ANTXR1: variants seen among roughly 807,000 people sequenced by gnomAD.
ANTXR1 encodes the protein ANTXR cell adhesion molecule 1.
A neutral mutation model predicts 78.1 loss-of-function variants in ANTXR1; 19 were observed. That is an observed-to-expected ratio of 0.24 (90% CI 0.17 to 0.36). ANTXR1 has a LOEUF of 0.36. ANTXR1 is among the 10% of genes least tolerant of loss of function. ANTXR1 has a pLI of 1.00. For synonymous variants in ANTXR1, 273 were observed against 260.5 expected (o/e 1.05, Z -0.46); for missense variants, 518 against 718.6 (o/e 0.72, Z 3.19).
In ANTXR1 at chr2:69,013,670, C is replaced by A. The variant is rs954257178; in HGVS notation, c.152+19C>A. 1.9e-6 allele frequency: 3 copies of A among 1,547,288 alleles called. No homozygotes were observed. The highest frequency in any genetic ancestry group is 4.9e-5 in the East Asian group (2 of 40,894). On this transcript the variant is annotated intron_variant, in intron 1 of 17. Transcript: ENST00000303714. This position sits in a 1 kb window ranked among gnomAD's most constrained non-coding sequence, Gnocchi z 5.0. ...TGGACAAGTAAGTGCCGCGAGTTGT[C>A]CCCCCCACCCCAGGCTAAGCGGGCG...
At chr2:69,040,175 A>G (rs1311852167) in intron 2 of ANTXR1, 60 bp downstream of exon 2, 3 of 1,446,442 alleles carry the variant, frequency 2.1e-6, no homozygotes, top group Non-Finnish European at 2.9e-6. Flanking sequence ...AAACTAGTCC[A>G]TGTTTGCTAT....
In ANTXR1 at chr2:69,013,633, T is replaced by C; in HGVS notation, c.134T>C (p.Leu45Pro). The stretch of plus-strand genomic sequence containing the variant: ...CCAGCCTGCTACGGCGGATTTGACC[T>C]GTACTTCATTTTGGACAAGTAAGTG... ...GGPACYGGFD[L>P]YFILDKSGSV... The change falls in exon 1 of 18, where the codon CTG becomes CCG. Residue 45 changes from leucine (L) to proline (P), a missense_variant. Leu to Pro is a moderately conservative substitution (Grantham distance 98, BLOSUM62 -3). Around this residue, in one of 5 missense-constraint regions of ANTXR1, gnomAD observed 6 missense variants for 27.0 expected, o/e 0.22. Coordinates refer to ENST00000303714, the MANE Select transcript of ANTXR1 (RefSeq NM_032208.3). This position sits in a 1 kb window ranked among gnomAD's most constrained non-coding sequence, Gnocchi z 5.0. 6.4e-7 allele frequency: 1 copy of C among 1,553,654 alleles called. No individual in the cohort carries two copies. Among genetic ancestry groups the C allele is most frequent in the Non-Finnish European group, 8.7e-7 (1 of 1,147,718 alleles).
At chr2:69,048,919 C>T (rs1669852157) in intron 3 of ANTXR1, among the ~76,000 whole-genome samples, 1 of 152,192 alleles carries the variant, frequency 6.6e-6, no homozygotes, top group African/African-American at 2.4e-5. Flanking sequence ...GCTGCATTTT[C>T]TCTATACTTA....
intron 17 of ANTXR1, among the ~76,000 whole-genome samples, chr2:69,223,555 T>C (rs1296539666): frequency 6.6e-6 from 1 of 152,190 alleles, no homozygotes; most frequent in Non-Finnish European, 1.5e-5. Flanking sequence ...TCCAGTAAGT[T>C]TGATCCAAAC....
intron 12 of ANTXR1, among the ~76,000 whole-genome samples, chr2:69,151,213 A>T (rs1673385164): frequency 1.1e-5 from 1 of 95,098 alleles, no homozygotes; most frequent in African/African-American, 4.2e-5. Flanking sequence ...TTTTTTTGAG[A>T]CGGAGTCTCG....
At chr2:69,023,125 T>C (rs1026278788) in intron 1 of ANTXR1, among the ~76,000 whole-genome samples, 5 of 152,234 alleles carry the variant, frequency 3.3e-5, no homozygotes, top group South Asian at 2.1e-4. Context: ...ATTGTGACCT[T>C]GGGCAAATTA....
In ANTXR1 at chr2:69,112,826, G is replaced by A. The variant is rs544775055; in HGVS notation, c.802+9886G>A. On this transcript the variant is annotated intron_variant, in intron 10 of 17. Transcript: ENST00000303714. ...ACTGATTTTTGAAGTGGCTCCTGCAGAGACTGTGTTAGTGGATGTTCCCAT... is the reference window on the plus strand; with the variant it reads ...ACTGATTTTTGAAGTGGCTCCTGCAAAGACTGTGTTAGTGGATGTTCCCAT... Among the ~76,000 whole-genome samples, 4 of 152,326 alleles carry A rather than the reference G, an allele frequency of 2.6e-5. No homozygotes were observed. The South Asian group carries it at 8.3e-4, about 32-fold the overall frequency.
At chr2:69,071,641 G>C (rs1055313897) in intron 4 of ANTXR1, 113 bp from the exon 5 acceptor site, 13 of 1,027,394 alleles carry the variant, frequency 1.3e-5, no homozygotes, top group Non-Finnish European at 1.8e-5. Flanking sequence ...AATTACATAA[G>C]GAATCAAGAC....
chr2:69,205,544 T>C (rs932497681), intron 17 of ANTXR1, among the ~76,000 whole-genome samples: 2 of 152,040 alleles, frequency 1.3e-5, no homozygotes, highest in Non-Finnish European at 2.9e-5. Flanking sequence ...ATACTGACTT[T>C]TCACTCCCTG....
At chr2:69,117,772 C>A (rs938345643) in intron 10 of ANTXR1, among the ~76,000 whole-genome samples, 1 of 152,148 alleles carries the variant, frequency 6.6e-6, no homozygotes, top group African/African-American at 2.4e-5. Context: ...ACTCCCCACA[C>A]AATGTCATCA....
chr2:69,243,170 C>A (rs1235586071), intron 17 of ANTXR1, among the ~76,000 whole-genome samples: 2 of 152,208 alleles, frequency 1.3e-5, no homozygotes, highest in African/African-American at 4.8e-5. Flanking sequence ...AATGCTATGT[C>A]CTAGGAATTA....
intron 14 of ANTXR1, among the ~76,000 whole-genome samples, chr2:69,181,527 G>C (rs1205520994): frequency 1.3e-5 from 2 of 152,174 alleles, no homozygotes; most frequent in East Asian, 1.9e-4. Flanking sequence ...CAAAGGAGTA[G>C]AGCTGTAGAA....
chr2:69,073,531 G>C (rs1402225861), intron 6 of ANTXR1, among the ~76,000 whole-genome samples: 1 of 152,192 alleles, frequency 6.6e-6, no homozygotes, highest in African/African-American at 2.4e-5. Context: ...CAATCACTGA[G>C]ATTTTCACTC....
chr2:69,128,193 C>G (rs1457190336), intron 12 of ANTXR1, among the ~76,000 whole-genome samples: 1 of 150,864 alleles, frequency 6.6e-6, no homozygotes, highest in Non-Finnish European at 1.5e-5. Flanking sequence ...CCACTGCACT[C>G]CAACCTGAGT....
chr2:69,121,979 G>A (rs968891976), intron 10 of ANTXR1, among the ~76,000 whole-genome samples: 4 of 152,132 alleles, frequency 2.6e-5, no homozygotes, highest in African/African-American at 4.8e-5. Context: ...AAGAGTCCCC[G>A]ACTCTGATTC....
intron 1 of ANTXR1, among the ~76,000 whole-genome samples, chr2:69,017,982 A>G (rs1424903211): frequency 6.6e-6 from 1 of 152,142 alleles, no homozygotes; most frequent in Non-Finnish European, 1.5e-5. Context: ...AGTCACTTGA[A>G]TGGAGATAGT....
At chr2:69,234,364 G>A (rs1382014164) in intron 17 of ANTXR1, among the ~76,000 whole-genome samples, 1 of 152,176 alleles carries the variant, frequency 6.6e-6, no homozygotes, top group African/African-American at 2.4e-5. Context: ...AGCACAATTG[G>A]CTGATTTAGA....
intron 3 of ANTXR1, among the ~76,000 whole-genome samples, chr2:69,064,248 T>C (rs991940454): frequency 2.0e-5 from 3 of 152,194 alleles, no homozygotes; most frequent in African/African-American, 7.2e-5. Flanking sequence ...CCTGGACTTA[T>C]TTATGCAGCT....
intron 13 of ANTXR1, among the ~76,000 whole-genome samples, chr2:69,153,634 A>G (rs917484040): frequency 3.9e-5 from 6 of 152,228 alleles, no homozygotes; most frequent in African/African-American, 1.4e-4. Context: ...AGGGTAAAAA[A>G]TCCTCATGAG....
Sources: gnomAD v4.1 joint callset for allele counts (sites outside exome capture counted in the v4.1 genomes callset) on GRCh38, gnomAD v4.1.1 for gene constraint, gnomAD v4.1.1 regional missense constraint, Gnocchi (gnomAD v3.1) non-coding constraint, MANE v1.5 for transcripts, NCBI Gene and HGNC (gene_info 2026-07-23, HGNC 2026-07-21) for gene names.